Variants in VAPA observed in about 807,000 individuals in gnomAD.
VAPA encodes vesicle-associated membrane protein-associated protein A.
Under a neutral mutation model 25.6 loss-of-function variants are expected in VAPA, and 6 were observed. That is an observed-to-expected ratio of 0.23 (90% CI 0.13 to 0.46). The LOEUF is 0.46. VAPA is among the 20% of genes least tolerant of loss of function. VAPA has a pLI of 0.99. For missense variants in VAPA, 244 were observed against 302.1 expected, an observed-to-expected ratio of 0.81 and a Z score of 1.43; for synonymous variants, 112 against 106.2, an observed-to-expected ratio of 1.05 and a Z score of -0.34.
At chr18:9,914,366 G>C (rs890092884) in intron 1 of VAPA, 31 bp downstream of exon 1, 1 of 1,547,818 alleles carries the variant, frequency 6.5e-7, no homozygotes, top group Non-Finnish European at 8.7e-7. Flanking sequence ...CCCGGGTGGG[G>C]TGGGGCGCGC....
rs1338926469 is a variant in VAPA at position 9,950,483 on chromosome 18, A to T, written c.506A>T (p.Asp169Val). Residue 169 changes from aspartate (D) to valine (V), a missense_variant, in exon 5 of 6, where the codon GAT (aspartate) becomes GTT (valine). Asp to Val is a radical substitution (Grantham distance 152, BLOSUM62 -3). This residue lies in a region of VAPA where 145 missense variants were observed against 140.6 expected (regional missense o/e 1.03). Coordinates refer to ENST00000400000, the MANE Select transcript of VAPA (RefSeq NM_194434.3). Reference protein sequence around the residue: ...MPKPHSVSLNDTETRKLMEEC... With the variant: ...MPKPHSVSLNVTETRKLMEEC... The stretch of plus-strand genomic sequence containing the variant: ...AAACCACACAGTGTTTCACTTAATG[A>T]TACCGAAACAAGGAAACTAATGGAA... 1 of 1,614,160 alleles carries T rather than the reference A, an allele frequency of 6.2e-7. No homozygotes were observed. The highest frequency in any genetic ancestry group is 1.1e-5 in the South Asian group (1 of 91,076).
intron 1 of VAPA, among the ~76,000 whole-genome samples, chr18:9,915,337 T>C (rs1184039439): frequency 6.6e-6 from 1 of 152,222 alleles, no homozygotes; most frequent in Non-Finnish European, 1.5e-5. Context: ...ATAAGTTTTT[T>C]AGTCTGACTT....
rs1350840582 is a variant in VAPA at position 9,954,248 on chromosome 18, T to TG, written c.*37_*38insG. The TG allele has an allele frequency of 1.3e-6, 2 of 1,549,632 alleles. No homozygotes were observed. On this transcript the variant is annotated 3_prime_UTR_variant, in exon 6 of 6. Coordinates refer to ENST00000400000, the MANE Select transcript of VAPA (RefSeq NM_194434.3). ...CAGAGTGCTGTTTCTTTTTTTTTTT[T>TG]TCTCTTGACCAGAAAAAGATTTGTT...
chr18:9,929,115 C>T (rs547330755), intron 1 of VAPA, among the ~76,000 whole-genome samples: 27 of 152,202 alleles, frequency 1.8e-4, no homozygotes, highest in Non-Finnish European at 3.5e-4. Context: ...AGTGAACTCA[C>T]CTTTTAACAT....
intron 4 of VAPA, among the ~76,000 whole-genome samples, chr18:9,942,767 A>G (rs2069379028): frequency 6.6e-6 from 1 of 152,138 alleles, no homozygotes; most frequent in East Asian, 1.9e-4. Flanking sequence ...TTTAACAGCT[A>G]GATCTCATGA....
chr18:9,927,619 G>A (rs537653989), intron 1 of VAPA, among the ~76,000 whole-genome samples: 11 of 152,004 alleles, frequency 7.2e-5, no homozygotes, highest in African/African-American at 2.4e-4. Context: ...ACTAAAAAGG[G>A]TATTTCCTGC....
chr18:9,938,134 G>T (rs191264204), intron 4 of VAPA, among the ~76,000 whole-genome samples: 10 of 152,208 alleles, frequency 6.6e-5, no homozygotes, highest in Admixed American at 4.6e-4. Context: ...CTAATAGCTT[G>T]CCCAGCTCTT....
chr18:9,938,866 A>G (rs1471442814), intron 4 of VAPA, among the ~76,000 whole-genome samples: 4 of 152,316 alleles, frequency 2.6e-5, no homozygotes, highest in African/African-American at 9.6e-5. Context: ...AGCTTTAACA[A>G]TGACTAGTTT....
Position 9,936,122 on chromosome 18 carries a change from C to A in VAPA, c.245C>A (p.Pro82His). Residue 82 changes from proline (P) to histidine (H), a missense_variant, in exon 3 of 6, where the codon CCC (proline) becomes CAC (histidine). Transcript: ENST00000400000. ...TTTTCTTATTTAGTAATGCTACAGC[C>A]CTTTGACTATGATCCGAATGAAAAG... is the stretch of plus-strand genomic sequence containing the variant. ...STVTVSVMLQ[P>H]FDYDPNEKSK... 1 of 1,604,210 alleles carries A rather than the reference C, an allele frequency of 6.2e-7. No individual in the cohort carries two copies. Among genetic ancestry groups the A allele is most frequent in the South Asian group, 1.1e-5 (1 of 88,702 alleles).
chr18:9,937,238 A>G (rs895925383), intron 4 of VAPA, among the ~76,000 whole-genome samples, 172 bp downstream of exon 4: 10 of 44,118 alleles, frequency 2.3e-4, no homozygotes, highest in African/African-American at 7.6e-4. Flanking sequence ...TTTTTTTTTA[A>G]AGTAACATTT....
intron 2 of VAPA, among the ~76,000 whole-genome samples, chr18:9,935,104 A>AG (rs2069295112): frequency 1.3e-5 from 2 of 151,572 alleles, no homozygotes; most frequent in Admixed American, 1.3e-4. Context: ...CAAAAAAAAA[A>AG]AAAAAAAAAC....
At chr18:9,938,085 C>G (rs961158984) in intron 4 of VAPA, among the ~76,000 whole-genome samples, 1 of 151,968 alleles carries the variant, frequency 6.6e-6, no homozygotes, top group African/African-American at 2.4e-5. Flanking sequence ...TGTATGCTTC[C>G]CATTTGGAGG....
intron 1 of VAPA, chr18:9,915,175 A>G (rs920926020): frequency 6.6e-6 from 1 of 152,238 alleles, no homozygotes; most frequent in African/African-American, 2.4e-5. Context: ...GCGTGCTTTT[A>G]TTTAGCCCTT....
At chr18:9,947,145 C>G (rs2069433418) in intron 4 of VAPA, among the ~76,000 whole-genome samples, 1 of 152,144 alleles carries the variant, frequency 6.6e-6, no homozygotes. Flanking sequence ...GAAGGACCTG[C>G]TGGAGTCTGA....
chr18:9,956,581 T>G lies in VAPA; in HGVS notation c.*2370T>G, dbSNP rs1439881008. On this transcript the variant is annotated 3_prime_UTR_variant, in exon 6 of 6. Coordinates refer to ENST00000400000, the MANE Select transcript of VAPA (RefSeq NM_194434.3). ...TGTTCATATCAGGAGATGCTCTGATTGTATAGGTGAGACTCTGTTTCTGTT... is the reference window on the plus strand; with the variant it reads ...TGTTCATATCAGGAGATGCTCTGATGGTATAGGTGAGACTCTGTTTCTGTT... The G allele has an allele frequency of 2.6e-5, 4 of 152,672 alleles. No homozygotes were observed. The highest frequency in any genetic ancestry group is 2.1e-4 in the South Asian group (1 of 4,838). The allele number at this position is 152,672 out of a possible 1,614,324, so 9.5% of individuals were successfully genotyped here.
chr18:9,938,137 C>T (rs1438443412), intron 4 of VAPA, among the ~76,000 whole-genome samples: 1 of 152,026 alleles, frequency 6.6e-6, no homozygotes, highest in Non-Finnish European at 1.5e-5. Context: ...ATAGCTTGCC[C>T]AGCTCTTACT....
chr18:9,936,515 C>T, intron 3 of VAPA: 1 of 222,452 alleles, frequency 4.5e-6, no homozygotes, highest in Non-Finnish European at 8.7e-6. Context: ...TCGAGACCAG[C>T]TCAGGCGACA....
intron 1 of VAPA, among the ~76,000 whole-genome samples, chr18:9,921,080 AAT>A (rs1462711468): frequency 6.6e-6 from 1 of 152,212 alleles, no homozygotes; most frequent in African/African-American, 2.4e-5. Flanking sequence ...TATACCTGTT[AAT>A]GTTTGTAGTA....
chr18:9,936,072 C>G, intron 2 of VAPA, 38 bp from the exon 3 acceptor site: 2 of 1,416,056 alleles, frequency 1.4e-6, no homozygotes, highest in South Asian at 1.4e-5. Flanking sequence ...TTCAGACATG[C>G]AGGAGACAAT....
Sources: allele counts gnomAD v4.1 joint callset (sites outside exome capture counted in the v4.1 genomes callset), GRCh38; gene constraint gnomAD v4.1.1; regional missense constraint gnomAD v4.1.1; transcripts MANE v1.5; gene names NCBI Gene and HGNC (gene_info 2026-07-23, HGNC 2026-07-21).